KIAA0319L: variants seen among roughly 807,000 people sequenced by gnomAD.
KIAA0319L encodes KIAA0319 like, also known as dyslexia-associated protein KIAA0319-like protein.
Under a neutral mutation model 120.1 loss-of-function variants are expected in KIAA0319L, and 55 were observed. That is an observed-to-expected ratio of 0.46 (90% CI 0.37 to 0.57). The LOEUF is 0.57. Ranked by LOEUF, KIAA0319L falls within the 20% of genes least tolerant of loss-of-function variation. The pLI is 0.00. For missense variants in KIAA0319L, 1,049 were observed against 1,255.3 expected (o/e 0.84, Z 2.48); for synonymous variants, 398 against 471.9 (o/e 0.84, Z 2.03).
chr1:35,489,957 T>C (rs1644531399), intron 3 of KIAA0319L, among the ~76,000 whole-genome samples: 2 of 152,046 alleles, frequency 1.3e-5, no homozygotes, highest in African/African-American at 4.8e-5. Context: ...TGAGCCACCA[T>C]GCCTGGCTTT....
chr1:35,522,510 C>A (rs1645964854), intron 2 of KIAA0319L, among the ~76,000 whole-genome samples: 2 of 152,084 alleles, frequency 1.3e-5, no homozygotes, highest in African/African-American at 2.4e-5. Context: ...GAACTCCTGA[C>A]CTCGTGATTC....
chr1:35,445,216 T>C (rs1641529995), intron 16 of KIAA0319L, among the ~76,000 whole-genome samples: 1 of 152,202 alleles, frequency 6.6e-6, no homozygotes, highest in South Asian at 2.1e-4. Context: ...TTTCCAGGCA[T>C]GCATGACATA....
chr1:35,553,218 C>A (rs1023760514), intron 2 of KIAA0319L, among the ~76,000 whole-genome samples: 1 of 152,010 alleles, frequency 6.6e-6, no homozygotes, highest in Non-Finnish European at 1.5e-5. Flanking sequence ...GTGACAAGAC[C>A]CCATCTCTTT....
intron 3 of KIAA0319L, among the ~76,000 whole-genome samples, chr1:35,483,606 TG>T (rs1644257803): frequency 1.3e-5 from 2 of 152,194 alleles, no homozygotes; most frequent in Non-Finnish European, 2.9e-5. Context: ...CCAATACCAC[TG>T]CCTTGATTAC....
intron 1 of KIAA0319L, 157 bp from the exon 2 acceptor site, chr1:35,554,676 T>C (rs1248801546): frequency 4.3e-6 from 2 of 467,434 alleles, no homozygotes; most frequent in African/African-American, 4.0e-5. Flanking sequence ...AACCTGGGCT[T>C]TGAGGTAGCC....
At chr1:35,529,982 C>T (rs1646299124) in intron 2 of KIAA0319L, among the ~76,000 whole-genome samples, 1 of 147,542 alleles carries the variant, frequency 6.8e-6, no homozygotes, top group African/African-American at 2.5e-5. Context: ...TGTCACAATG[C>T]CTTTTTTTTT....
At chr1:35,507,219 G>A in intron 2 of KIAA0319L, 84 bp from the exon 3 acceptor site, 1 of 1,370,886 alleles carries the variant, frequency 7.3e-7, no homozygotes, top group Non-Finnish European at 9.8e-7. Context: ...ACCAACATTT[G>A]AGGTTATTTT....
At chr1:35,438,026 TCTC>T (rs1374771137) in intron 20 of KIAA0319L, among the ~76,000 whole-genome samples, 1 of 152,160 alleles carries the variant, frequency 6.6e-6, no homozygotes, top group East Asian at 1.9e-4. Flanking sequence ...GGACCAAAAA[TCTC>T]CTTGCTGGTC....
At chr1:35,483,535 A>G (rs1468102402) in intron 3 of KIAA0319L, among the ~76,000 whole-genome samples, 5 of 152,210 alleles carry the variant, frequency 3.3e-5, no homozygotes, top group African/African-American at 1.2e-4. Context: ...AATGGACCAT[A>G]TAGGTGTGGG....
intron 4 of KIAA0319L, 29 bp from the exon 5 acceptor site, chr1:35,474,935 A>G: frequency 8.2e-7 from 1 of 1,217,380 alleles, no homozygotes; most frequent in Non-Finnish European, 1.2e-6. Context: ...TACCAGAGAT[A>G]AGAAATAGAT....
At chr1:35,537,085 A>G (rs1249372077) in intron 2 of KIAA0319L, among the ~76,000 whole-genome samples, 1 of 152,240 alleles carries the variant, frequency 6.6e-6, no homozygotes, top group Non-Finnish European at 1.5e-5. Context: ...CACAGGTATT[A>G]AATTATAACA....
intron 2 of KIAA0319L, among the ~76,000 whole-genome samples, chr1:35,540,946 C>A (rs940869846): frequency 3.3e-5 from 5 of 151,958 alleles, no homozygotes; most frequent in Non-Finnish European, 7.4e-5. Flanking sequence ...TATTAATTTT[C>A]CCTTTTTTTT....
At chr1:35,472,891 C>T (rs1643712016) in intron 5 of KIAA0319L, among the ~76,000 whole-genome samples, 1 of 149,776 alleles carries the variant, frequency 6.7e-6, no homozygotes, top group African/African-American at 2.5e-5. Context: ...TGGGTTCAAG[C>T]AATTCTCAAG....
chr1:35,438,260 C>T (rs1640940395), intron 20 of KIAA0319L, among the ~76,000 whole-genome samples: 1 of 152,162 alleles, frequency 6.6e-6, no homozygotes, highest in African/African-American at 2.4e-5. Context: ...TGATCTCCAC[C>T]ATTTCTTCTC....
intron 2 of KIAA0319L, among the ~76,000 whole-genome samples, chr1:35,552,665 G>A (rs375558298): frequency 9.2e-5 from 14 of 152,186 alleles, no homozygotes; most frequent in Admixed American, 9.2e-4. Flanking sequence ...ATGGTGGTTG[G>A]TGTCTGCAAT....
chr1:35,466,029 C>G (rs958840065), intron 7 of KIAA0319L, among the ~76,000 whole-genome samples: 1 of 152,162 alleles, frequency 6.6e-6, no homozygotes, highest in African/African-American at 2.4e-5. Context: ...TCTTTATCAG[C>G]ACCATGAAAA....
chr1:35,553,423 C>T (rs75745472), intron 2 of KIAA0319L, among the ~76,000 whole-genome samples: 11,835 of 151,042 alleles, frequency 0.078, 1,106 homozygotes, highest in East Asian at 0.44. Context: ...ATTATGCAAT[C>T]ATCAACCATC....
At chr1:35,513,864 T>C (rs562458005) in intron 2 of KIAA0319L, among the ~76,000 whole-genome samples, 1 of 152,346 alleles carries the variant, frequency 6.6e-6, no homozygotes, top group Admixed American at 6.5e-5. Context: ...TTGAAATTTA[T>C]ATACTCAAAC....
intron 4 of KIAA0319L, among the ~76,000 whole-genome samples, chr1:35,477,794 C>T (rs1643966129): frequency 6.6e-6 from 1 of 151,884 alleles, no homozygotes; most frequent in African/African-American, 2.4e-5. Flanking sequence ...CCCTCGTACA[C>T]TATTGGTGGG....
Sources: allele counts gnomAD v4.1 joint callset (sites outside exome capture counted in the v4.1 genomes callset), GRCh38; gene constraint gnomAD v4.1.1; transcripts MANE v1.5; gene names NCBI Gene and HGNC (gene_info 2026-07-23, HGNC 2026-07-21).